PCDHA6: variants seen among roughly 807,000 people sequenced by gnomAD.
The protein encoded by PCDHA6 is protocadherin alpha-6.
PCDHA6 carries 55 observed loss-of-function variants against 60.3 expected under a neutral mutation model. The observed-to-expected ratio is 0.91, with a 90% CI of 0.73 to 1.14. The LOEUF (loss-of-function observed/expected upper bound fraction) is 1.14, where lower values mean the gene tolerates loss of function less well. PCDHA6 is among the 50% of genes most tolerant of loss of function. The probability of loss-of-function intolerance (pLI) is 0.00; values close to 1 mark genes in which losing one functional copy is unlikely to be tolerated. For missense variants in PCDHA6, 1,327 were observed against 1,256.5 expected, an observed-to-expected ratio of 1.06 and a Z score of -0.85; for synonymous variants, 652 against 557.9, an observed-to-expected ratio of 1.17 and a Z score of -2.38.
chr5:140,923,220 G>A (rs1264496576), intron 1 of PCDHA6, among the ~76,000 whole-genome samples: 5 of 71,932 alleles, frequency 7.0e-5, no homozygotes, highest in African/African-American at 2.1e-4. Flanking sequence ...TGAAAGGATC[G>A]TTTGAGCCCA....
intron 1 of PCDHA6, among the ~76,000 whole-genome samples, chr5:140,911,002 C>A (rs1216727256): frequency 6.6e-6 from 1 of 152,114 alleles, no homozygotes; most frequent in Non-Finnish European, 1.5e-5. Context: ...CCCTAGGGCC[C>A]TCCTGGGACT....
At position 140,829,624 on chromosome 5, in the gene PCDHA6, C is replaced by A; in HGVS notation, c.1533C>A (p.His511Gln). Residue 511 changes from histidine to glutamine, a missense_variant, in exon 1 of 4, where the codon CAC (histidine) becomes CAA (glutamine). Transcript: ENST00000529310. ...ERALSSYISVHAESGKVYALQ... is the reference protein window; with the variant it reads ...ERALSSYISVQAESGKVYALQ... ...CGTTGTCGAGCTACATTTCGGTGCA[C>A]GCGGAGAGCGGCAAGGTGTACGCGC... 6.2e-7 allele frequency: 1 copy of A among 1,612,182 alleles called. No homozygotes were observed. Among genetic ancestry groups the A allele is most frequent in the Non-Finnish European group, 8.5e-7 (1 of 1,179,788 alleles).
chr5:140,941,214 C>CCTTCCTTTCTTTCTTT (rs1554214040), intron 1 of PCDHA6, among the ~76,000 whole-genome samples: 12 of 122,414 alleles, frequency 9.8e-5, no homozygotes, highest in Admixed American at 6.8e-4. Flanking sequence ...TTTCTTTCTT[C>CCTTCCTTTCTTTCTTT]CTTTCTTTCT....
chr5:140,857,428 G>A lies in PCDHA6; in HGVS notation c.2394+26943G>A, dbSNP rs782142394. On this transcript the variant is annotated intron_variant, in intron 1 of 3. Coordinates refer to ENST00000529310, the MANE Select transcript of PCDHA6 (RefSeq NM_018909.4). ...CTGCGTTCGCGCAGTCCGAGTACACGGTGTTCGTGAAGGAGAACAACCCGC... is the reference window on the plus strand; with the variant it reads ...CTGCGTTCGCGCAGTCCGAGTACACAGTGTTCGTGAAGGAGAACAACCCGC... The A allele has an allele frequency of 3.8e-6, 6 of 1,598,456 alleles. 1 individual carries two copies. Among genetic ancestry groups the A allele is most frequent in the Non-Finnish European group, 5.1e-6 (6 of 1,167,860 alleles).
At chr5:140,850,796 C>T (rs1344673921) in intron 1 of PCDHA6, 7 of 1,598,190 alleles carry the variant, frequency 4.4e-6, no homozygotes, top group African/African-American at 1.3e-5. Context: ...AGCAGAAGAC[C>T]GACCTCATGG....
At chr5:140,904,957 A>G (rs2071509370) in intron 1 of PCDHA6, among the ~76,000 whole-genome samples, 1 of 152,156 alleles carries the variant, frequency 6.6e-6, no homozygotes, top group African/African-American at 2.4e-5. Flanking sequence ...TGTCTGATGC[A>G]GAATTTGTGA....
intron 1 of PCDHA6, among the ~76,000 whole-genome samples, chr5:140,959,868 C>A (rs532801353): frequency 8.5e-5 from 13 of 152,248 alleles, no homozygotes; most frequent in African/African-American, 2.9e-4. Flanking sequence ...GTAGCAAAAT[C>A]TGTCAAGGAA....
chr5:140,979,999 C>G (rs1563478157), intron 2 of PCDHA6, among the ~76,000 whole-genome samples: 1 of 152,172 alleles, frequency 6.6e-6, no homozygotes, highest in African/African-American at 2.4e-5. Context: ...TTAACATACT[C>G]TCAAGCATTA....
At chr5:140,928,809 GGACCATGGA>G (rs1563109708) in intron 1 of PCDHA6, 1 of 1,614,078 alleles carries the variant, frequency 6.2e-7, no homozygotes, top group Non-Finnish European at 8.5e-7. Flanking sequence ...TAGTGGTTCG[GGACCATGGA>G]GACCCACCAC....
intron 3 of PCDHA6, among the ~76,000 whole-genome samples, chr5:140,995,371 C>T (rs143381591): frequency 1.3e-5 from 2 of 152,238 alleles, no homozygotes; most frequent in African/African-American, 2.4e-5. Flanking sequence ...GGATGATTCA[C>T]GTACTGGGCA....
chr5:140,832,565 C>G (rs1487126370), intron 1 of PCDHA6, among the ~76,000 whole-genome samples: 2 of 152,180 alleles, frequency 1.3e-5, no homozygotes, highest in East Asian at 3.8e-4. Flanking sequence ...AGCCTCAAAA[C>G]AGCATACTTT....
chr5:140,850,831 G>T, intron 1 of PCDHA6: 7 of 1,598,198 alleles, frequency 4.4e-6, no homozygotes, highest in Non-Finnish European at 6.0e-6. Flanking sequence ...CTTTCTCCTT[G>T]TGCTGGATCT....
At chr5:140,847,774 C>T (rs1554141905) in intron 1 of PCDHA6, 2 of 149,772 alleles carry the variant, frequency 1.3e-5, no homozygotes, top group East Asian at 3.9e-4. Context: ...AGTCAATTCT[C>T]GCTTTTCTTG....
intron 1 of PCDHA6, among the ~76,000 whole-genome samples, chr5:140,938,027 T>C (rs1372788447): frequency 6.6e-6 from 1 of 152,220 alleles, no homozygotes; most frequent in Non-Finnish European, 1.5e-5. Flanking sequence ...TAAAATCTCA[T>C]ATTTTTATAT....
chr5:140,884,733 T>A (rs782206169), intron 1 of PCDHA6: 2 of 1,448,004 alleles, frequency 1.4e-6, no homozygotes, highest in African/African-American at 1.4e-5. Flanking sequence ...GTTTAAGACA[T>A]CTTTCCTGCC....
At chr5:140,924,907 A>AT (rs1242980267) in intron 1 of PCDHA6, among the ~76,000 whole-genome samples, 3,369 of 50,932 alleles carry the variant, frequency 0.066, 44 homozygotes, top group African/African-American at 0.099. Context: ...AAAAAAAAAT[A>AT]AAATAAAATA....
chr5:140,870,061 C>G, intron 1 of PCDHA6: 1 of 1,613,758 alleles, frequency 6.2e-7, no homozygotes, highest in Non-Finnish European at 8.5e-7. Flanking sequence ...AATTGAAGTA[C>G]AGGCTACAGA....
intron 1 of PCDHA6, chr5:140,927,033 G>A (rs2083768533): frequency 1.2e-6 from 2 of 1,612,344 alleles, no homozygotes; most frequent in Non-Finnish European, 1.7e-6. Flanking sequence ...GGCTGCCAGC[G>A]GCCGCTATGT....
At chr5:140,908,021 C>T (rs958070573) in intron 1 of PCDHA6, among the ~76,000 whole-genome samples, 28 of 152,314 alleles carry the variant, frequency 1.8e-4, no homozygotes, top group African/African-American at 6.7e-4. Flanking sequence ...TGGCTACAGC[C>T]CATTAATCAG....
Sources: allele counts gnomAD v4.1 joint callset (sites outside exome capture counted in the v4.1 genomes callset), GRCh38; gene constraint gnomAD v4.1.1; transcripts MANE v1.5; gene names NCBI Gene and HGNC (gene_info 2026-07-23, HGNC 2026-07-21).